The following CYREN variants were observed in gnomAD, a reference collection of about 807,000 sequenced individuals.
CYREN encodes the protein cell cycle regulator of NHEJ, also known as cell cycle regulator of non-homologous end joining.
Under a neutral mutation model 9.7 loss-of-function variants are expected in CYREN, and 7 were observed. The observed-to-expected ratio is 0.72, with a 90% CI of 0.41 to 1.36. The LOEUF (loss-of-function observed/expected upper bound fraction) is 1.36. Ranked by LOEUF, CYREN falls within the 40% of genes most tolerant of loss-of-function variation. The pLI is 0.01. For missense variants in CYREN, 215 were observed against 198.1 expected (o/e 1.09, Z -0.51); for synonymous variants, 76 against 77.9 (o/e 0.98, Z 0.13).
At chr7:135,137,562 C>G (rs1265315491) in intron 2 of CYREN, among the ~76,000 whole-genome samples, 1 of 151,150 alleles carries the variant, frequency 6.6e-6, no homozygotes, top group Non-Finnish European at 1.5e-5. Context: ...TGATAAATAC[C>G]AAAAAAATCA....
At chr7:135,104,777 GT>G (rs199595037) in intron 2 of CYREN, among the ~76,000 whole-genome samples, 79 of 145,194 alleles carry the variant, frequency 5.4e-4, no homozygotes, top group African/African-American at 1.4e-3. Flanking sequence ...GGGCTGTTTG[GT>G]TTTTTTTTTT....
intron 2 of CYREN, among the ~76,000 whole-genome samples, chr7:135,148,548 G>A (rs1290518583): frequency 1.3e-5 from 2 of 152,166 alleles, no homozygotes; most frequent in African/African-American, 4.8e-5. Context: ...GGTTAGAAAC[G>A]ATGCAGGGCT....
intron 2 of CYREN, among the ~76,000 whole-genome samples, chr7:135,147,135 A>G (rs1339194709): frequency 6.6e-6 from 1 of 152,196 alleles, no homozygotes; most frequent in Non-Finnish European, 1.5e-5. Context: ...CAGTCCCCAG[A>G]GCAACCATGC....
At chr7:135,147,796 TTG>T (rs781115158) in intron 2 of CYREN, 7 of 456,266 alleles carry the variant, frequency 1.5e-5, no homozygotes, top group South Asian at 9.3e-5. Context: ...AAATTCCGGG[TTG>T]TGTTTATCTT....
At chr7:135,094,646 G>GC in intron 2 of CYREN, 1 of 411,440 alleles carries the variant, frequency 2.4e-6, no homozygotes. Flanking sequence ...CGTAACAAGG[G>GC]CCTACTCTCT....
chr7:135,110,817 C>A (rs565663144), intron 2 of CYREN, among the ~76,000 whole-genome samples: 1 of 152,186 alleles, frequency 6.6e-6, no homozygotes, highest in East Asian at 1.9e-4. Context: ...CCTTAAAACT[C>A]GTTTTGCCTC....
At chr7:135,107,575 G>A (rs1229720303) in intron 2 of CYREN, among the ~76,000 whole-genome samples, 3 of 152,046 alleles carry the variant, frequency 2.0e-5, no homozygotes, top group Admixed American at 1.3e-4. Context: ...CTGTGATCTA[G>A]GAGTGTGTTG....
downstream of CYREN, chr7:135,164,531 C>T (rs767621181): frequency 6.2e-6 from 10 of 1,614,042 alleles, no homozygotes; most frequent in Admixed American, 5.0e-5. Flanking sequence ...TGATGTTTTA[C>T]GCTCTTCTCT....
At chr7:135,097,613 A>C (rs1350572644) in intron 2 of CYREN, among the ~76,000 whole-genome samples, 1 of 152,142 alleles carries the variant, frequency 6.6e-6, no homozygotes, top group Non-Finnish European at 1.5e-5. Context: ...TGTACTGTGA[A>C]GGGTATGATT....
intron 2 of CYREN, among the ~76,000 whole-genome samples, chr7:135,122,400 C>G (rs1240708385): frequency 6.6e-6 from 1 of 152,218 alleles, no homozygotes; most frequent in African/African-American, 2.4e-5. Context: ...TGGGCCTGAG[C>G]CCCTAGCGGG....
Position 135,166,300 on chromosome 7 carries a change from A to G in CYREN, c.*311T>C, listed in dbSNP as rs1830126988. The G allele has an allele frequency of 3.7e-6, 1 of 272,122 alleles. No individual in the cohort carries two copies. The highest frequency in any genetic ancestry group is 5.1e-5 in the Admixed American group (1 of 19,490). 16.9% of individuals were successfully genotyped at this position (272,122 alleles called of 1,614,324 possible). A position where few individuals can be genotyped will look rare whatever the true frequency, so the allele number is the denominator to read the frequency against. ...ACCACATGACATCATTTTCCCTGGA[A>G]CCTGGTCACTGACTAACACAGACAA... On this transcript the variant is annotated 3_prime_UTR_variant, in exon 4 of 4. Transcript: ENST00000393114.
intron 2 of CYREN, chr7:135,152,916 A>AAGG (rs1212134175): frequency 6.6e-6 from 1 of 152,252 alleles, no homozygotes; most frequent in Non-Finnish European, 1.5e-5. Context: ...CCCGATGGGG[A>AAGG]AGGGGCTGCC....
intron 2 of CYREN, chr7:135,115,340 A>T: frequency 9.0e-6 from 11 of 1,227,870 alleles, no homozygotes; most frequent in African/African-American, 1.5e-5. Context: ...TTGTGAATAG[A>T]GTTCATATCT....
chr7:135,094,401 C>A (rs774799470), exon 3 of CYREN: 7 of 456,550 alleles, frequency 1.5e-5, no homozygotes, highest in Admixed American at 2.4e-5. Context: ...CTGCTAGAAT[C>A]ATAAACTGGT....
downstream of CYREN, chr7:135,164,371 G>A (rs1830026280): frequency 1.4e-6 from 2 of 1,444,480 alleles, no homozygotes; most frequent in Non-Finnish European, 9.5e-7. Flanking sequence ...CTGGACACAG[G>A]GAACAAGCAA....
intron 2 of CYREN, among the ~76,000 whole-genome samples, chr7:135,152,549 A>C (rs534261033): frequency 6.6e-6 from 1 of 152,378 alleles, no homozygotes; most frequent in East Asian, 1.9e-4. Context: ...AATTAATAAG[A>C]CAATACCTGT....
intron 2 of CYREN, among the ~76,000 whole-genome samples, chr7:135,134,665 T>TAA (rs200672886): frequency 6.7e-6 from 1 of 148,978 alleles, no homozygotes; most frequent in Non-Finnish European, 1.5e-5. Flanking sequence ...GGAATAGTGC[T>TAA]AAAAAAAAAA....
At chr7:135,127,448 G>A (rs1303758924) in intron 2 of CYREN, among the ~76,000 whole-genome samples, 1 of 152,156 alleles carries the variant, frequency 6.6e-6, no homozygotes, top group Non-Finnish European at 1.5e-5. Flanking sequence ...AGCTACTCGG[G>A]AGGCTGAGGC....
intron 2 of CYREN, among the ~76,000 whole-genome samples, chr7:135,104,156 C>A (rs10228466): frequency 0.1 from 15,791 of 152,002 alleles, 1,101 homozygotes; most frequent in African/African-American, 0.2. Context: ...TTATAAGTGA[C>A]AACATGTGAT....
Sources: gnomAD v4.1 joint callset for allele counts (sites outside exome capture counted in the v4.1 genomes callset) on GRCh38, gnomAD v4.1.1 for gene constraint, MANE v1.5 for transcripts, NCBI Gene and HGNC (gene_info 2026-07-23, HGNC 2026-07-21) for gene names.